Variants in PKNOX2 observed in about 807,000 individuals in gnomAD.
PKNOX2 encodes PBX/knotted 1 homeobox 2.
In PKNOX2, 14 loss-of-function variants were observed where a neutral mutation model predicts 53.1. That is an observed-to-expected ratio of 0.26 (90% confidence interval 0.17 to 0.41). PKNOX2 has a LOEUF of 0.41. PKNOX2 is among the 10% of genes least tolerant of loss of function. PKNOX2 has a pLI of 1.00. For missense variants in PKNOX2, 496 were observed against 602.8 expected (o/e 0.82, Z 1.85); for synonymous variants, 257 against 242.8 (o/e 1.06, Z -0.54).
chr11:125,167,828 T>C (rs929596579), intron 1 of PKNOX2, among the ~76,000 whole-genome samples: 12 of 152,222 alleles, frequency 7.9e-5, no homozygotes, highest in African/African-American at 2.9e-4. Flanking sequence ...GGGAGCTTGC[T>C]GGATCCCACA....
At chr11:125,221,346 G>A (rs945128341) in intron 1 of PKNOX2, among the ~76,000 whole-genome samples, 3 of 152,126 alleles carry the variant, frequency 2.0e-5, no homozygotes, top group African/African-American at 4.8e-5. Flanking sequence ...GGGAACTCTA[G>A]GCAAAATAAG....
At chr11:125,411,622 C>T in intron 9 of PKNOX2, 124 bp from the exon 10 acceptor site, 13 of 1,522,228 alleles carry the variant, frequency 8.5e-6, no homozygotes, top group Non-Finnish European at 1.2e-5. Flanking sequence ...GTGACCTCCC[C>T]AGGGCCCTAG....
rs139854110 is a variant in PKNOX2, at chr11:125,340,779, C to T, written c.-23+8854C>T. On this transcript the variant is annotated intron_variant, in intron 3 of 12. Transcript: ENST00000298282. ...TTTTAAGAGCAAGCCAGGCCAGGCG[C>T]GGTGGCTCACGCCCGTAATCCCAGC... Among the ~76,000 whole-genome samples the T allele has an allele frequency of 6.8e-3, 1,039 of 152,188 alleles. 13 individuals carry two copies. Among genetic ancestry groups the T allele is most frequent in the African/African-American group, 0.023 (953 of 41,524 alleles).
chr11:125,337,801 G>A (rs1173014764), intron 3 of PKNOX2, among the ~76,000 whole-genome samples: 1 of 152,168 alleles, frequency 6.6e-6, no homozygotes, highest in African/African-American at 2.4e-5. Context: ...CTCAGTAAAT[G>A]AGGCCTGGAT....
At chr11:125,180,472 T>C (rs1178639446) in intron 1 of PKNOX2, among the ~76,000 whole-genome samples, 1 of 152,218 alleles carries the variant, frequency 6.6e-6, no homozygotes. Flanking sequence ...TGAAATTGAC[T>C]CATGGAATGT....
chr11:125,202,062 C>T (rs1395622652), intron 1 of PKNOX2, among the ~76,000 whole-genome samples: 2 of 152,176 alleles, frequency 1.3e-5, no homozygotes, highest in Admixed American at 6.5e-5. Flanking sequence ...AGGGTCCGTG[C>T]GGCTGGGACT....
intron 4 of PKNOX2, among the ~76,000 whole-genome samples, chr11:125,365,576 A>G (rs1952146493): frequency 6.6e-6 from 1 of 152,184 alleles, no homozygotes; most frequent in Non-Finnish European, 1.5e-5. Context: ...TCCCTGTTTC[A>G]CGGCATTCAT....
At position 125,240,451 on chromosome 11, in the gene PKNOX2, C is replaced by T. The variant is rs1435762380; in HGVS notation, c.-130+5336C>T. ...CTCCATAAACCTTTCTGGAGAGGAG[C>T]TGGGAAGGAGGGATGGGAGGGAGGA... On this transcript the variant is annotated intron_variant, in intron 2 of 12. Coordinates refer to ENST00000298282, the MANE Select transcript of PKNOX2 (RefSeq NM_001382323.2). The surrounding 1 kb of genome is among the most constrained non-coding windows in gnomAD (Gnocchi z 4.3). Among the ~76,000 whole-genome samples the T allele has an allele frequency of 6.6e-6, 1 of 151,908 alleles. No individual in the cohort carries two copies. The highest frequency in any genetic ancestry group is 2.4e-5 in the African/African-American group (1 of 41,336).
At chr11:125,172,788 A>G (rs1955425625) in intron 1 of PKNOX2, among the ~76,000 whole-genome samples, 1 of 152,182 alleles carries the variant, frequency 6.6e-6, no homozygotes, top group African/African-American at 2.4e-5. Flanking sequence ...ATGACATTCA[A>G]CAGACTGCAG....
At chr11:125,265,922 G>A (rs948319298) in intron 2 of PKNOX2, among the ~76,000 whole-genome samples, 1 of 152,130 alleles carries the variant, frequency 6.6e-6, no homozygotes, top group Non-Finnish European at 1.5e-5. Context: ...ACTTCCCAAA[G>A]GCCCTGAGTG....
intron 2 of PKNOX2, among the ~76,000 whole-genome samples, chr11:125,257,057 C>T (rs968961368): frequency 1.3e-5 from 2 of 150,436 alleles, no homozygotes; most frequent in African/African-American, 2.4e-5. Context: ...CCACATTCTT[C>T]ATTATGCTTC....
intron 1 of PKNOX2, among the ~76,000 whole-genome samples, chr11:125,176,268 G>A (rs75063989): frequency 0.029 from 4,470 of 152,352 alleles, 222 homozygotes; most frequent in African/African-American, 0.098. Context: ...GCCAGGTCCT[G>A]TTGGCTTGAA....
intron 2 of PKNOX2, among the ~76,000 whole-genome samples, chr11:125,260,525 G>T (rs1944769722): frequency 1.3e-5 from 2 of 152,134 alleles, no homozygotes; most frequent in African/African-American, 2.4e-5. Flanking sequence ...AATCAGAAAG[G>T]TGATTGATGC....
intron 3 of PKNOX2, among the ~76,000 whole-genome samples, chr11:125,338,043 G>A (rs950275940): frequency 2.0e-5 from 3 of 152,158 alleles, no homozygotes; most frequent in African/African-American, 4.8e-5. Flanking sequence ...CTGAGGCTGG[G>A]TTTCAGGTCA....
rs1956291943 is a variant in PKNOX2 at position 125,183,779 on chromosome 11, A to G, written c.-201+19003A>G. The stretch of plus-strand genomic sequence containing the variant: ...AGAATATTTTTCTGGATTAGCCACT[A>G]CAGTTGACCTTACTGAGCTGAGGGC... On this transcript the variant is annotated intron_variant, in intron 1 of 12. Coordinates refer to ENST00000298282, the MANE Select transcript of PKNOX2 (RefSeq NM_001382323.2). Among the ~76,000 whole-genome samples, 4 of 152,140 alleles carry G rather than the reference A, an allele frequency of 2.6e-5. 1 individual carries two copies. In the South Asian group the frequency reaches 8.3e-4, roughly 32 times the overall value.
At chr11:125,365,223 C>T (rs761506479) in intron 4 of PKNOX2, among the ~76,000 whole-genome samples, 2 of 152,136 alleles carry the variant, frequency 1.3e-5, no homozygotes, top group Non-Finnish European at 2.9e-5. Flanking sequence ...GTACCGAACC[C>T]CTTTACCATC....
intron 2 of PKNOX2, among the ~76,000 whole-genome samples, chr11:125,238,570 C>G (rs927153349): frequency 6.6e-6 from 1 of 152,180 alleles, no homozygotes; most frequent in African/African-American, 2.4e-5. Context: ...TCAGTTGACT[C>G]CTCTGTAAAT....
intron 1 of PKNOX2, among the ~76,000 whole-genome samples, chr11:125,218,629 G>T (rs1053181774): frequency 3.9e-5 from 6 of 152,128 alleles, no homozygotes; most frequent in Admixed American, 3.9e-4. Flanking sequence ...GGGAGCTAGT[G>T]CATGTATTTA....
intron 10 of PKNOX2, among the ~76,000 whole-genome samples, chr11:125,423,895 A>G (rs771921580): frequency 7.9e-5 from 12 of 152,188 alleles, no homozygotes; most frequent in Admixed American, 2.6e-4. Flanking sequence ...AAGGTGAAGA[A>G]TGGGACAGCA....
Sources: allele counts gnomAD v4.1 joint callset (sites outside exome capture counted in the v4.1 genomes callset), GRCh38; gene constraint gnomAD v4.1.1; non-coding constraint Gnocchi (gnomAD v3.1); transcripts MANE v1.5; gene names NCBI Gene and HGNC (gene_info 2026-07-23, HGNC 2026-07-21).